Variants in ITGB6 observed in about 807,000 individuals in gnomAD.
ITGB6 encodes the protein integrin beta-6.
A neutral mutation model predicts 84.5 loss-of-function variants in ITGB6; 80 were observed. The ratio of observed to expected loss-of-function variants is 0.95; its 90% CI spans 0.79 to 1.14. The LOEUF (loss-of-function observed/expected upper bound fraction) is 1.14, where lower values mean the gene tolerates loss of function less well. ITGB6 is among the 50% of genes most tolerant of loss of function. ITGB6 has a pLI of 0.00. For synonymous variants in ITGB6, 383 were observed against 354.9 expected, an observed-to-expected ratio of 1.08 and a Z score of -0.89; for missense variants, 1,006 against 968.0, an observed-to-expected ratio of 1.04 and a Z score of -0.52.
intron 12 of ITGB6, among the ~76,000 whole-genome samples, chr2:160,118,902 A>C (rs1574048273): frequency 1.3e-5 from 2 of 152,168 alleles, no homozygotes; most frequent in African/African-American, 4.8e-5. Context: ...TCATGAGTGA[A>C]CTCCCATTCA....
At chr2:160,180,132 A>C (rs1037154651) in intron 4 of ITGB6, among the ~76,000 whole-genome samples, 1 of 150,092 alleles carries the variant, frequency 6.7e-6, no homozygotes, top group African/African-American at 2.5e-5. Flanking sequence ...AAAAAAACAA[A>C]CAAAAAAAAC....
intron 12 of ITGB6, 40 bp downstream of exon 12, chr2:160,123,751 C>T: frequency 6.7e-7 from 1 of 1,499,886 alleles, no homozygotes; most frequent in Non-Finnish European, 9.3e-7. Context: ...CTCTCAAGAA[C>T]TACATAAGGA....
chr2:160,161,306 A>G (rs908463685), intron 7 of ITGB6, among the ~76,000 whole-genome samples: 1 of 152,190 alleles, frequency 6.6e-6, no homozygotes, highest in Admixed American at 6.5e-5. Context: ...TTATACATGT[A>G]TAAACATTCA....
At chr2:160,136,777 C>A (rs1311527426) in intron 10 of ITGB6, among the ~76,000 whole-genome samples, 1 of 152,024 alleles carries the variant, frequency 6.6e-6, no homozygotes, top group African/African-American at 2.4e-5. Flanking sequence ...TGGAAACCAT[C>A]ATTCTCAGCA....
chr2:160,137,354 A>C, intron 10 of ITGB6, 80 bp downstream of exon 10: 1 of 1,334,160 alleles, frequency 7.5e-7, no homozygotes, highest in Admixed American at 2.1e-5. Context: ...TGCCCAGGAA[A>C]CTGGAAGGTG....
chr2:160,121,731 A>G (rs1683048157), intron 12 of ITGB6, among the ~76,000 whole-genome samples: 1 of 151,102 alleles, frequency 6.6e-6, no homozygotes, highest in South Asian at 2.1e-4. Context: ...TCACGCCACT[A>G]CACTCCAGCC....
At chr2:160,171,408 C>T (rs1195562104) in intron 6 of ITGB6, among the ~76,000 whole-genome samples, 1 of 148,862 alleles carries the variant, frequency 6.7e-6, no homozygotes, top group African/African-American at 2.5e-5. Flanking sequence ...GATCTTGGCT[C>T]ACTGCAAGCT....
intron 4 of ITGB6, among the ~76,000 whole-genome samples, chr2:160,188,919 A>C (rs1050921721): frequency 2.6e-5 from 4 of 152,114 alleles, no homozygotes; most frequent in Non-Finnish European, 5.9e-5. Flanking sequence ...ATCAATTCTT[A>C]GCTAGAGGCA....
intron 4 of ITGB6, among the ~76,000 whole-genome samples, chr2:160,177,411 A>G (rs1010461609): frequency 1.3e-5 from 2 of 152,024 alleles, no homozygotes; most frequent in African/African-American, 2.4e-5. Context: ...CTGAAAAAAA[A>G]TACAAAAAAA....
chr2:160,142,079 C>T lies in ITGB6; in HGVS notation c.1018-8G>A. 1 of 1,548,874 alleles carries T rather than the reference C, an allele frequency of 6.5e-7. No individual in the cohort carries two copies. The highest frequency in any genetic ancestry group is 8.8e-7 in the Non-Finnish European group (1 of 1,130,298). ...AATAAGTTTTGCGTAATTCTGTAAACAGAAAAAGAGTAAGTCAATCTTTGT... is the reference window on the plus strand; with the variant it reads ...AATAAGTTTTGCGTAATTCTGTAAATAGAAAAAGAGTAAGTCAATCTTTGT... On this transcript the variant is annotated splice_region_variant and splice_polypyrimidine_tract_variant and intron_variant, in intron 7 of 14. Coordinates refer to ENST00000283249, the MANE Select transcript of ITGB6 (RefSeq NM_000888.5).
At chr2:160,186,354 CAT>C (rs1312098199) in intron 4 of ITGB6, among the ~76,000 whole-genome samples, 4 of 149,970 alleles carry the variant, frequency 2.7e-5, no homozygotes, top group African/African-American at 7.4e-5. Flanking sequence ...GGCCAAGAAA[CAT>C]ATGAAAAAAA....
chr2:160,194,742 C>T (rs1686267146), intron 4 of ITGB6, among the ~76,000 whole-genome samples: 1 of 152,098 alleles, frequency 6.6e-6, no homozygotes. Flanking sequence ...TAAGCCGTCA[C>T]AAAGCAATCT....
chr2:160,103,812 G>C (rs986076679), intron 14 of ITGB6, among the ~76,000 whole-genome samples: 1 of 152,136 alleles, frequency 6.6e-6, no homozygotes. Flanking sequence ...TTTGTGAACA[G>C]AAAAGACACT....
chr2:160,145,674 G>A (rs2105829839), intron 7 of ITGB6, among the ~76,000 whole-genome samples: 1 of 152,332 alleles, frequency 6.6e-6, no homozygotes, highest in South Asian at 2.1e-4. Context: ...AGAACCAGCT[G>A]TCAGGTGTGC....
chr2:160,161,227 T>C (rs958423580), intron 7 of ITGB6, among the ~76,000 whole-genome samples: 2 of 152,220 alleles, frequency 1.3e-5, no homozygotes, highest in Non-Finnish European at 2.9e-5. Flanking sequence ...TGATTTCATA[T>C]AGTTACTCTC....
At chr2:160,175,793 AG>A (rs1685395203) in intron 4 of ITGB6, among the ~76,000 whole-genome samples, 1 of 152,236 alleles carries the variant, frequency 6.6e-6, no homozygotes. Flanking sequence ...AAGTTTGTGT[AG>A]TGATTTGTTA....
At chr2:160,150,481 C>T (rs932333087) in intron 7 of ITGB6, among the ~76,000 whole-genome samples, 16 of 152,230 alleles carry the variant, frequency 1.1e-4, no homozygotes, top group South Asian at 4.1e-4. Context: ...AAGAAACAAC[C>T]GGTACTAGCC....
At chr2:160,116,486 C>T (rs1438984265) in intron 12 of ITGB6, among the ~76,000 whole-genome samples, 1 of 152,218 alleles carries the variant, frequency 6.6e-6, no homozygotes, top group East Asian at 1.9e-4. Flanking sequence ...CACCACCAGG[C>T]CTACCCTAAA....
intron 14 of ITGB6, among the ~76,000 whole-genome samples, chr2:160,106,724 T>C (rs1696923202): frequency 1.3e-5 from 2 of 152,320 alleles, no homozygotes; most frequent in East Asian, 1.9e-4. Flanking sequence ...AATAACCGCA[T>C]ACAACAGAAA....
Sources: allele counts gnomAD v4.1 joint callset (sites outside exome capture counted in the v4.1 genomes callset), GRCh38; gene constraint gnomAD v4.1.1; transcripts MANE v1.5; gene names NCBI Gene and HGNC (gene_info 2026-07-23, HGNC 2026-07-21).